PXDN: variants seen among roughly 807,000 people sequenced by gnomAD.
PXDN encodes the protein peroxidasin homolog.
PXDN carries 77 observed loss-of-function variants against 140.3 expected under a neutral mutation model. That is an observed-to-expected ratio of 0.55 (90% CI 0.46 to 0.66). The LOEUF (loss-of-function observed/expected upper bound fraction) is 0.66, where lower values mean the gene tolerates loss of function less well. Among genes scored for constraint, PXDN ranks in the 30% least tolerant of loss-of-function variants. The probability of loss-of-function intolerance (pLI) is 0.00; values close to 1 mark genes in which losing one functional copy is unlikely to be tolerated. For synonymous variants in PXDN, 911 were observed against 857.4 expected (o/e 1.06, Z -1.09); for missense variants, 1,838 against 2,039.5 (o/e 0.90, Z 1.90).
intron 1 of PXDN, among the ~76,000 whole-genome samples, chr2:1,707,779 C>A (rs1354636372): frequency 6.6e-6 from 1 of 151,868 alleles, no homozygotes; most frequent in African/African-American, 2.4e-5. Context: ...ACCAAGGTGC[C>A]GAAAGCGACG....
Position 1,719,391 on chromosome 2 carries a change from C to T in PXDN, c.200+24865G>A, listed in dbSNP as rs761714592. On this transcript the variant is annotated intron_variant, in intron 1 of 22. Coordinates refer to ENST00000252804, the MANE Select transcript of PXDN (RefSeq NM_012293.3). ...CCTGCTCAGGGTCCTCTCCCCAGCA[C>T]GAATCCTTACATAAACCACACAAAG... Among the ~76,000 whole-genome samples, 10 of 152,204 alleles carry T rather than the reference C, an allele frequency of 6.6e-5. 1 individual carries two copies. The highest frequency in any genetic ancestry group is 4.1e-4 in the South Asian group (2 of 4,824).
chr2:1,687,806 A>G lies in PXDN; in HGVS notation c.345-103T>C. ...ACACATGGAGACAGTTTTACAATTA[A>G]TGACTGTATTAGAATGCAAACAAAC... On this transcript the variant is annotated intron_variant, in intron 3 of 22. Transcript: ENST00000252804. This position sits in a 1 kb window ranked among gnomAD's most constrained non-coding sequence, Gnocchi z 4.0. 1 of 862,598 alleles carries G rather than the reference A, an allele frequency of 1.2e-6. No homozygotes were observed. The highest frequency in any genetic ancestry group is 1.8e-6 in the Non-Finnish European group (1 of 554,634). 53.4% of individuals were successfully genotyped at this position (862,598 alleles called of 1,614,324 possible).
chr2:1,698,502 G>A (rs1684347569), intron 1 of PXDN, among the ~76,000 whole-genome samples: 1 of 152,158 alleles, frequency 6.6e-6, no homozygotes, highest in Non-Finnish European at 1.5e-5. Flanking sequence ...AGGGAGGAGA[G>A]AATGAGATCC....
intron 11 of PXDN, 144 bp from the exon 12 acceptor site, chr2:1,663,907 T>C: frequency 4.2e-6 from 4 of 963,854 alleles, no homozygotes; most frequent in Admixed American, 2.3e-5. Flanking sequence ...AAGCAAATCT[T>C]TGCCTCCCCA....
rs1187478848 is a variant in PXDN at position 1,685,680 on chromosome 2, C to T, written c.417-1529G>A. On this transcript the variant is annotated intron_variant, in intron 4 of 22. Coordinates refer to ENST00000252804, the MANE Select transcript of PXDN (RefSeq NM_012293.3). This position sits in a 1 kb window ranked among gnomAD's most constrained non-coding sequence, Gnocchi z 5.1. ...GGGTGTAAAAATCCCTCCACCCAGA[C>T]TGCAATGCAGGTTGGCCAGGGGGAC... Among the ~76,000 whole-genome samples, 1 of 152,154 alleles carries T rather than the reference C, an allele frequency of 6.6e-6. No homozygotes were observed. The highest frequency in any genetic ancestry group is 1.5e-5 in the Non-Finnish European group (1 of 68,030).
At chr2:1,677,616 G>A (rs28577916) in intron 7 of PXDN, among the ~76,000 whole-genome samples, 84,399 of 151,948 alleles carry the variant, frequency 0.56, 24,750 homozygotes, top group African/African-American at 0.76. Flanking sequence ...AGGGCCATCC[G>A]AGGGCCACCC....
In PXDN at chr2:1,666,422, C is replaced by A; in HGVS notation, c.1083G>T (p.Leu361=). The change falls in exon 10 of 23, where the codon CTG becomes CTT. Residue 361 remains leucine, a synonymous_variant. Coordinates refer to ENST00000252804, the MANE Select transcript of PXDN (RefSeq NM_012293.3). The part of the protein sequence containing the change: ...TEVLVGESVT[L]ECSATGHPPP... ...GGGGGTGGCCTGTGGCGCTGCACTC[C>A]AGCGTGACGCTCTCCCCAACCAGCA... The A allele has an allele frequency of 6.2e-7, 1 of 1,613,532 alleles. No individual in the cohort carries two copies. The highest frequency in any genetic ancestry group is 1.1e-5 in the South Asian group (1 of 90,988).
intron 9 of PXDN, among the ~76,000 whole-genome samples, chr2:1,667,638 A>G (rs777041555): frequency 4.4e-4 from 67 of 152,324 alleles, no homozygotes; most frequent in Non-Finnish European, 8.5e-4. Context: ...AAAAATCACA[A>G]GCATTCCTAT....
chr2:1,696,978 T>C (rs962664129), intron 1 of PXDN, among the ~76,000 whole-genome samples: 1 of 152,150 alleles, frequency 6.6e-6, no homozygotes, highest in African/African-American at 2.4e-5. Flanking sequence ...AGGGCTGATT[T>C]TTGCCTGAAT....
Position 1,648,958 on chromosome 2 carries a change from A to G in PXDN, c.2822T>C (p.Val941Ala). ...SHRGLLRQGI[V>A]QRSGKPLLPF... ...GAGCAGCGGCTTCCCGGACCGCTGC[A>G]CGATGCCCTGCCGCAGCAGGCCGCG... Residue 941 changes from valine (V) to alanine (A), a missense_variant, in exon 17 of 23, where the codon GTG becomes GCG. This residue lies in a region of PXDN where 850 missense variants were observed against 894.1 expected (regional missense o/e 0.95). Transcript: ENST00000252804. This position sits in a 1 kb window ranked among gnomAD's most constrained non-coding sequence, Gnocchi z 8.9. 6.2e-7 allele frequency: 1 copy of G among 1,605,144 alleles called. No individual in the cohort carries two copies. The highest frequency in any genetic ancestry group is 1.1e-5 in the South Asian group (1 of 90,702).
At position 1,643,490 on chromosome 2, in the gene PXDN, T is replaced by C. The variant is rs1682776662; in HGVS notation, c.3830A>G (p.Asn1277Ser). 3 of 1,613,938 alleles carry C rather than the reference T, an allele frequency of 1.9e-6. No homozygotes were observed. Among genetic ancestry groups the C allele is most frequent in the Non-Finnish European group, 2.5e-6 (3 of 1,179,882 alleles). ...CTGCACCCGGGTGATGTTGTCCGCG[T>C]TGTCGCATAGGATCCTGGCCAGCGA... ...QTSLARILCD[N>S]ADNITRVQSD... The change falls in exon 19 of 23, where the codon AAC becomes AGC. Residue 1277 changes from asparagine (N) to serine (S), a missense_variant. Physicochemically the swap from Asn to Ser is conservative, Grantham distance 46. Coordinates refer to ENST00000252804, the MANE Select transcript of PXDN (RefSeq NM_012293.3).
chr2:1,643,838 C>T (rs1429348361), intron 18 of PXDN, among the ~76,000 whole-genome samples: 2 of 151,868 alleles, frequency 1.3e-5, no homozygotes, highest in Non-Finnish European at 2.9e-5. Flanking sequence ...TTTGGGAGGC[C>T]GAGGTGGGCG....
At position 1,644,630 on chromosome 2, in the gene PXDN, C is replaced by T. The variant is rs1682808873; in HGVS notation, c.3731G>A (p.Arg1244Gln). 2.5e-6 allele frequency: 4 copies of T among 1,600,288 alleles called. No individual in the cohort carries two copies. Among genetic ancestry groups the T allele is most frequent in the African/African-American group, 1.3e-5 (1 of 74,492 alleles). ...CLLSTQFKRL[R>Q]DGDRLWYENP... ...TGCACGTGCTCACCTGTCCCCATCT[C>T]GCAGGCGCTTGAACTGTGTGCTGAG... is the stretch of plus-strand genomic sequence containing the variant. The change falls in exon 18 of 23, where the codon CGA becomes CAA. Residue 1244 changes from arginine to glutamine, a missense_variant. Transcript: ENST00000252804.
chr2:1,674,939 T>C (rs1572148353), intron 8 of PXDN, among the ~76,000 whole-genome samples: 2 of 152,278 alleles, frequency 1.3e-5, no homozygotes, highest in Admixed American at 6.5e-5. Flanking sequence ...ACCAGCACTG[T>C]GCAAAAGCAC....
intron 1 of PXDN, among the ~76,000 whole-genome samples, chr2:1,698,264 T>C (rs1684342284): frequency 6.6e-6 from 1 of 152,166 alleles, no homozygotes; most frequent in Non-Finnish European, 1.5e-5. Flanking sequence ...CAGTGGGTCT[T>C]ATCAGCTCAT....
intron 6 of PXDN, among the ~76,000 whole-genome samples, chr2:1,683,219 AAAAGAAAAAAAG>A (rs1384750091): frequency 6.6e-6 from 1 of 150,956 alleles, no homozygotes; most frequent in East Asian, 1.9e-4. Flanking sequence ...CTGTCACAAA[AAAAGAAAAAAAG>A]AAAGAAAAAC....
intron 5 of PXDN, 85 bp downstream of exon 5, chr2:1,683,995 G>T: frequency 1.6e-6 from 2 of 1,272,112 alleles, no homozygotes; most frequent in Non-Finnish European, 2.2e-6. Flanking sequence ...CAGGTGTTTG[G>T]TAGATATTGA....
chr2:1,732,490 C>T (rs2125491300), intron 1 of PXDN, among the ~76,000 whole-genome samples: 1 of 152,272 alleles, frequency 6.6e-6, no homozygotes, highest in South Asian at 2.1e-4. Context: ...TTCTCATCAG[C>T]CAGACTGAAA....
chr2:1,737,058 C>G (rs1280764304), intron 1 of PXDN, among the ~76,000 whole-genome samples: 1 of 152,190 alleles, frequency 6.6e-6, no homozygotes, highest in African/African-American at 2.4e-5. Flanking sequence ...CGTAAACACC[C>G]TGCCCTGGTG....
Sources: allele counts gnomAD v4.1 joint callset (sites outside exome capture counted in the v4.1 genomes callset), GRCh38; gene constraint gnomAD v4.1.1; regional missense constraint gnomAD v4.1.1; non-coding constraint Gnocchi (gnomAD v3.1); transcripts MANE v1.5; gene names NCBI Gene and HGNC (gene_info 2026-07-23, HGNC 2026-07-21).